The following LRIG3 variants were observed in gnomAD, a reference collection of about 807,000 sequenced individuals.
The protein encoded by LRIG3 is leucine rich repeats and immunoglobulin like domains 3, also known as leucine-rich repeats and immunoglobulin-like domains protein 3.
LRIG3 carries 76 observed loss-of-function variants against 114.5 expected under a neutral mutation model. The ratio of observed to expected loss-of-function variants is 0.66; its 90% CI spans 0.55 to 0.80. The LOEUF is 0.80. Among genes scored for constraint, LRIG3 ranks in the 30% least tolerant of loss-of-function variants. The pLI is 0.00. For synonymous variants in LRIG3, 512 were observed against 519.8 expected (o/e 0.98, Z 0.20); for missense variants, 1,239 against 1,382.8 (o/e 0.90, Z 1.65).
intron 1 of LRIG3, among the ~76,000 whole-genome samples, chr12:58,917,097 A>G (rs1872506193): frequency 6.6e-6 from 1 of 152,278 alleles, no homozygotes; most frequent in South Asian, 2.1e-4. Context: ...ATACAGAAAA[A>G]CAGCTGTGAA....
rs772067247 is a variant in LRIG3, at chr12:58,879,079, T to G, written c.1828A>C (p.Met610Leu). 2 of 1,612,982 alleles carry G rather than the reference T, an allele frequency of 1.2e-6. No individual in the cohort carries two copies. Among genetic ancestry groups the G allele is most frequent in the South Asian group, 2.2e-5 (2 of 91,038 alleles). Residue 610 changes from methionine to leucine, a missense_variant, in exon 14 of 19, where the codon ATG becomes CTG. By Grantham distance (15) the Met-to-Leu change is conservative (BLOSUM62 2). Coordinates refer to ENST00000320743, the MANE Select transcript of LRIG3 (RefSeq NM_153377.5). The part of the protein sequence containing the change: ...NMLPSFTKTP[M>L]DLTIRAGAMA... ...GCCCCAGCTCGGATGGTGAGATCCA[T>G]GGGGGTCTTGGTGAATGAGGGAAGC...
chr12:58,912,173 T>C (rs1228307131), intron 3 of LRIG3, among the ~76,000 whole-genome samples: 2 of 152,196 alleles, frequency 1.3e-5, no homozygotes, highest in Non-Finnish European at 2.9e-5. Context: ...TCATTGTAGC[T>C]TTCTAATTAT....
At chr12:58,885,293 G>A (rs1410424906) in intron 10 of LRIG3, among the ~76,000 whole-genome samples, 1 of 152,158 alleles carries the variant, frequency 6.6e-6, no homozygotes, top group East Asian at 1.9e-4. Flanking sequence ...AATTCTCAAA[G>A]TAGTGCTAAA....
At chr12:58,878,756 A>G in intron 14 of LRIG3, 68 bp downstream of exon 14, 3 of 1,520,804 alleles carry the variant, frequency 2.0e-6, no homozygotes, top group Middle Eastern at 1.7e-4. Flanking sequence ...TCTGATACTT[A>G]GGGACCTTGG....
At chr12:58,908,427 T>A (rs1173985134) in intron 3 of LRIG3, among the ~76,000 whole-genome samples, 1 of 152,150 alleles carries the variant, frequency 6.6e-6, no homozygotes, top group Non-Finnish European at 1.5e-5. Context: ...AAAAGCTGTA[T>A]GCCTGAACAC....
intron 3 of LRIG3, among the ~76,000 whole-genome samples, chr12:58,894,341 A>G (rs536016676): frequency 2.6e-5 from 4 of 152,306 alleles, no homozygotes; most frequent in African/African-American, 9.6e-5. Flanking sequence ...AATGGAACTG[A>G]ATTAAATCCA....
chr12:58,912,756 C>T (rs1872333007), intron 3 of LRIG3, among the ~76,000 whole-genome samples: 1 of 152,154 alleles, frequency 6.6e-6, no homozygotes, highest in Non-Finnish European at 1.5e-5. Context: ...CCACCTTGGT[C>T]AAACAAGAAT....
Position 58,887,917 on chromosome 12 carries a change from A to G in LRIG3, c.963T>C (p.Asn321=). ...TTGAATCATCTAACCTTGATAAGTGATTGAAAGTTAGGTCCCTGTAAAGAA... is the reference window on the plus strand; with the variant it reads ...TTGAATCATCTAACCTTGATAAGTGGTTGAAAGTTAGGTCCCTGTAAAGAA... The part of the protein sequence containing the change: ...QKLSELDLTF[N]HLSRLDDSSF... The change falls in exon 8 of 19, where the codon AAT becomes AAC. Residue 321 remains asparagine (N), a synonymous_variant. Transcript: ENST00000320743. 1 of 1,612,588 alleles carries G rather than the reference A, an allele frequency of 6.2e-7. No individual in the cohort carries two copies.
chr12:58,883,130 A>T (rs1592296351), intron 11 of LRIG3, 98 bp from the exon 12 acceptor site: 1 of 1,183,988 alleles, frequency 8.4e-7, no homozygotes. Context: ...ATGAATTTGG[A>T]AACTGAATAC....
intron 3 of LRIG3, among the ~76,000 whole-genome samples, chr12:58,896,350 A>G (rs1040695809): frequency 1.3e-5 from 2 of 152,208 alleles, no homozygotes; most frequent in African/African-American, 4.8e-5. Flanking sequence ...ATGCTCTCTT[A>G]AGTGGATATA....
At chr12:58,888,520 A>T in intron 6 of LRIG3, 48 bp from the exon 7 acceptor site, 1 of 1,602,294 alleles carries the variant, frequency 6.2e-7, no homozygotes, top group Non-Finnish European at 8.5e-7. Context: ...TTCATTATCT[A>T]GTCTCTTCAA....
chr12:58,919,274 A>C lies in LRIG3; in HGVS notation c.236+726T>G, dbSNP rs140329322. On this transcript the variant is annotated intron_variant, in intron 1 of 18. Transcript: ENST00000320743. ...CAGACTTCGCAGCTAAAAATCCAAAAACTTGCATAAGAGCTCCCTGCGCTC... is the reference window on the plus strand; with the variant it reads ...CAGACTTCGCAGCTAAAAATCCAAACACTTGCATAAGAGCTCCCTGCGCTC... Among the ~76,000 whole-genome samples the C allele has an allele frequency of 4.7e-4, 72 of 152,214 alleles. 1 individual carries two copies. Among genetic ancestry groups the C allele is most frequent in the African/African-American group, 1.7e-3 (71 of 41,528 alleles).
chr12:58,887,736 C>A, intron 8 of LRIG3, 53 bp downstream of exon 8: 1 of 1,583,354 alleles, frequency 6.3e-7, no homozygotes, highest in South Asian at 1.1e-5. Context: ...GAAAAGTGGG[C>A]ATATTTAGGA....
At chr12:58,890,430 G>A (rs567534834) in intron 4 of LRIG3, among the ~76,000 whole-genome samples, 6 of 152,076 alleles carry the variant, frequency 3.9e-5, no homozygotes, top group African/African-American at 1.4e-4. Context: ...TTTTAAAAAT[G>A]AGCACTTTTC....
chr12:58,873,626 T>A (rs1870808028), intron 18 of LRIG3: 1 of 184,198 alleles, frequency 5.4e-6, no homozygotes, highest in South Asian at 1.1e-4. Flanking sequence ...CAGTTGTTGC[T>A]AGGTAGGATG....
intron 3 of LRIG3, among the ~76,000 whole-genome samples, chr12:58,891,169 G>A (rs368040873): frequency 6.6e-6 from 1 of 151,748 alleles, no homozygotes; most frequent in Non-Finnish European, 1.5e-5. Context: ...AGGCTACAGC[G>A]CAGTGGCACA....
intron 1 of LRIG3, among the ~76,000 whole-genome samples, chr12:58,916,398 G>T (rs1282518443): frequency 6.6e-6 from 1 of 152,090 alleles, no homozygotes; most frequent in Non-Finnish European, 1.5e-5. Context: ...GACATTTACT[G>T]CTAAATACTT....
intron 3 of LRIG3, among the ~76,000 whole-genome samples, chr12:58,894,359 G>A (rs557593314): frequency 2.6e-5 from 4 of 152,160 alleles, no homozygotes; most frequent in African/African-American, 4.8e-5. Context: ...CCAAATACTC[G>A]TTTCTTATTA....
intron 3 of LRIG3, among the ~76,000 whole-genome samples, chr12:58,908,819 AT>A (rs1438074729): frequency 5.9e-5 from 9 of 152,218 alleles, no homozygotes; most frequent in African/African-American, 2.2e-4. Flanking sequence ...AGATAATGTA[AT>A]TCATACATTA....
Sources: allele counts gnomAD v4.1 joint callset (sites outside exome capture counted in the v4.1 genomes callset), GRCh38; gene constraint gnomAD v4.1.1; transcripts MANE v1.5; gene names NCBI Gene and HGNC (gene_info 2026-07-23, HGNC 2026-07-21).